Variants in ULK4 observed in about 807,000 individuals in gnomAD.
The protein encoded by ULK4 is inactive serine/threonine-protein kinase ULK4.
In ULK4, 133 loss-of-function variants were observed where a neutral mutation model predicts 160.6. The observed-to-expected ratio is 0.83, with a 90% CI of 0.72 to 0.96. The LOEUF is 0.96. Among genes scored for constraint, ULK4 ranks in the 40% least tolerant of loss-of-function variants. The pLI, the probability that ULK4 is intolerant of heterozygous loss-of-function variation, is 0.00. For missense variants in ULK4, 1,580 were observed against 1,499.5 expected, an observed-to-expected ratio of 1.05 and a Z score of -0.89; for synonymous variants, 534 against 539.8, an observed-to-expected ratio of 0.99 and a Z score of 0.15.
intron 32 of ULK4, among the ~76,000 whole-genome samples, chr3:41,520,804 G>A (rs2085906845): frequency 6.6e-6 from 1 of 152,070 alleles, no homozygotes; most frequent in South Asian, 2.1e-4. Flanking sequence ...TATTTCCCTA[G>A]TCATTAAAGA....
chr3:41,261,809 T>C (rs2078950056), intron 35 of ULK4, among the ~76,000 whole-genome samples: 1 of 152,182 alleles, frequency 6.6e-6, no homozygotes, highest in Non-Finnish European at 1.5e-5. Flanking sequence ...GAGAGCACCA[T>C]ACTTTTGGCA....
chr3:41,504,643 A>G (rs1246166241), intron 32 of ULK4, among the ~76,000 whole-genome samples: 2 of 152,182 alleles, frequency 1.3e-5, no homozygotes, highest in African/African-American at 4.8e-5. Context: ...TTTATATAAT[A>G]GCTTTCAGAC....
chr3:41,561,826 G>C (rs1263841781), intron 32 of ULK4, among the ~76,000 whole-genome samples: 1 of 152,066 alleles, frequency 6.6e-6, no homozygotes, highest in Non-Finnish European at 1.5e-5. Flanking sequence ...TGGATTCACT[G>C]ATTTTTTGAA....
chr3:41,398,340 T>C, intron 34 of ULK4, 76 bp from the exon 35 acceptor site: 1 of 1,500,680 alleles, frequency 6.7e-7, no homozygotes, highest in Non-Finnish European at 9.1e-7. Flanking sequence ...CAGTAAAATT[T>C]GGCTTGATGG....
chr3:41,355,726 T>C (rs1455012547), intron 35 of ULK4, among the ~76,000 whole-genome samples: 1 of 152,212 alleles, frequency 6.6e-6, no homozygotes, highest in Non-Finnish European at 1.5e-5. Flanking sequence ...TCACAGTCCA[T>C]GGAATAGTGC....
chr3:41,292,094 A>G (rs1349877289), intron 35 of ULK4, among the ~76,000 whole-genome samples: 11 of 151,752 alleles, frequency 7.2e-5, no homozygotes. Flanking sequence ...CAGCCTCCCA[A>G]AGTGCTGGGA....
At chr3:41,601,335 A>G (rs139291121) in intron 31 of ULK4, among the ~76,000 whole-genome samples, 1 of 152,364 alleles carries the variant, frequency 6.6e-6, no homozygotes, top group East Asian at 1.9e-4. Context: ...AGAAATTTTA[A>G]AAACTGTCAG....
At chr3:41,832,510 G>A (rs1479919603) in intron 18 of ULK4, among the ~76,000 whole-genome samples, 2 of 152,172 alleles carry the variant, frequency 1.3e-5, no homozygotes, top group Non-Finnish European at 2.9e-5. Flanking sequence ...TCTGATGCTA[G>A]TTTATTTTGC....
intron 5 of ULK4, among the ~76,000 whole-genome samples, chr3:41,924,412 C>T (rs552851015): frequency 6.6e-6 from 1 of 152,286 alleles, no homozygotes; most frequent in Non-Finnish European, 1.5e-5. Flanking sequence ...GTTACGAAAG[C>T]GTCCTCTCCC....
chr3:41,765,101 T>C (rs921576426), intron 21 of ULK4, among the ~76,000 whole-genome samples: 1 of 152,138 alleles, frequency 6.6e-6, no homozygotes, highest in African/African-American at 2.4e-5. Context: ...TAAAAACACA[T>C]GCACACGTTA....
chr3:41,456,417 TTC>T (rs2083555256), intron 33 of ULK4, among the ~76,000 whole-genome samples: 1 of 152,232 alleles, frequency 6.6e-6, no homozygotes, highest in Non-Finnish European at 1.5e-5. Flanking sequence ...TATGCTTTCC[TTC>T]TCTATATGCA....
chr3:41,828,689 A>C (rs2041458702), intron 18 of ULK4, among the ~76,000 whole-genome samples: 1 of 151,698 alleles, frequency 6.6e-6, no homozygotes, highest in Admixed American at 6.6e-5. Flanking sequence ...ATGGGTAGGA[A>C]GAATCAGTAT....
At chr3:41,289,859 G>A (rs1048929995) in intron 35 of ULK4, among the ~76,000 whole-genome samples, 29 of 147,068 alleles carry the variant, frequency 2.0e-4, no homozygotes, top group African/African-American at 6.6e-4. Context: ...ATGTATGTAC[G>A]TATGTATGTA....
chr3:41,905,726 C>T (rs374782678), intron 12 of ULK4, among the ~76,000 whole-genome samples: 1 of 152,060 alleles, frequency 6.6e-6, no homozygotes, highest in African/African-American at 2.4e-5. Context: ...TAAAAAGATA[C>T]TCAACATCAT....
intron 35 of ULK4, among the ~76,000 whole-genome samples, chr3:41,294,214 C>G (rs981872032): frequency 6.6e-6 from 1 of 152,138 alleles, no homozygotes; most frequent in Non-Finnish European, 1.5e-5. Flanking sequence ...TAAAAAGAGC[C>G]TGCAGGAGTG....
At chr3:41,944,458 T>A (rs1221026774) in intron 2 of ULK4, among the ~76,000 whole-genome samples, 4 of 152,128 alleles carry the variant, frequency 2.6e-5, no homozygotes, top group African/African-American at 9.7e-5. Context: ...TAATTTCAGA[T>A]GTCAGGAGTC....
intron 20 of ULK4, among the ~76,000 whole-genome samples, chr3:41,790,590 G>C: frequency 6.6e-6 from 1 of 152,098 alleles, no homozygotes; most frequent in East Asian, 1.9e-4. Flanking sequence ...ATGGGAAATA[G>C]GTGAAAAAGT....
chr3:41,460,960 G>C (rs980666252), intron 33 of ULK4, among the ~76,000 whole-genome samples: 2 of 152,074 alleles, frequency 1.3e-5, no homozygotes, highest in African/African-American at 4.8e-5. Flanking sequence ...TTGAATCTAA[G>C]GCATTCCAGC....
chr3:41,897,008 G>C lies in ULK4; in HGVS notation c.1349-5C>G, dbSNP rs1717005. The C allele has an allele frequency of 0.98, 1,578,679 of 1,604,058 alleles. 779,138 individuals carry two copies. Among genetic ancestry groups the C allele is most frequent in the East Asian group, 1 (44,789 of 44,790 alleles). On this transcript the variant is annotated splice_region_variant and splice_polypyrimidine_tract_variant and intron_variant, in intron 14 of 36. Coordinates refer to ENST00000301831, the MANE Select transcript of ULK4 (RefSeq NM_017886.4). ...TCAGAAATAATAACTTATCCACTGC[G>C]ATGGAAAGAAAATAATAAAAGTACA...
Sources: allele counts gnomAD v4.1 joint callset (sites outside exome capture counted in the v4.1 genomes callset), GRCh38; gene constraint gnomAD v4.1.1; transcripts MANE v1.5; gene names NCBI Gene and HGNC (gene_info 2026-07-23, HGNC 2026-07-21).